The following ARHGAP5 variants were observed in gnomAD, a reference collection of about 807,000 sequenced individuals.
ARHGAP5 encodes the protein Rho GTPase activating protein 5.
A neutral mutation model predicts 116.6 loss-of-function variants in ARHGAP5; 23 were observed. That is an observed-to-expected ratio of 0.20 (90% CI 0.14 to 0.28). The LOEUF (loss-of-function observed/expected upper bound fraction) is 0.28, where lower values mean the gene tolerates loss of function less well. Among genes scored for constraint, ARHGAP5 ranks in the 10% least tolerant of loss-of-function variants. The pLI is 1.00. For missense variants in ARHGAP5, 1,405 were observed against 1,774.8 expected, an observed-to-expected ratio of 0.79 and a Z score of 3.74; for synonymous variants, 574 against 602.0, an observed-to-expected ratio of 0.95 and a Z score of 0.68.
rs1246509248 is a variant in ARHGAP5 at position 32,157,095 on chromosome 14, C to G, written c.*2147C>G. 6.6e-6 allele frequency: 1 copy of G among 152,280 alleles called. No homozygotes were observed. Among genetic ancestry groups the G allele is most frequent in the Non-Finnish European group, 1.5e-5 (1 of 67,788 alleles). 9.4% of individuals were successfully genotyped at this position (152,280 alleles called of 1,614,324 possible). ...GCACCTTCCCCCAAACTTATCTCCA[C>G]TTTTCTATGCATTCTATCATTGATT... On this transcript the variant is annotated 3_prime_UTR_variant, in exon 7 of 7. Transcript: ENST00000345122.
chr14:32,100,059 A>C (rs954673293), intron 2 of ARHGAP5, among the ~76,000 whole-genome samples: 2 of 152,234 alleles, frequency 1.3e-5, no homozygotes, highest in African/African-American at 4.8e-5. Flanking sequence ...TACATAATTG[A>C]AATGCAATTT....
Position 32,090,908 on chromosome 14 carries a change from A to G in ARHGAP5, c.239A>G (p.Gln80Arg). The change falls in exon 2 of 7, where the codon CAA becomes CGA. Residue 80 changes from glutamine (Q) to arginine (R), a missense_variant. Gln to Arg is a conservative substitution (Grantham distance 43). Transcript: ENST00000345122. Reference protein sequence around the residue: ...DHFLYWGDIIQNSEDGVECKI... With the variant: ...DHFLYWGDIIRNSEDGVECKI... ...TTTTTGTACTGGGGTGACATAATAC[A>G]AAATAGTGAAGATGGAGTAGAATGC... 1 of 1,613,680 alleles carries G rather than the reference A, an allele frequency of 6.2e-7. No homozygotes were observed. Among genetic ancestry groups the G allele is most frequent in the Non-Finnish European group, 8.5e-7 (1 of 1,179,640 alleles).
intron 3 of ARHGAP5, among the ~76,000 whole-genome samples, chr14:32,124,902 T>A (rs61994791): frequency 0.032 from 4,931 of 152,264 alleles, 120 homozygotes; most frequent in South Asian, 0.066. Context: ...GCAAACAGGC[T>A]ATACAAGAGT....
intron 5 of ARHGAP5, among the ~76,000 whole-genome samples, chr14:32,151,683 TTGAG>T (rs1432512026): frequency 6.6e-6 from 1 of 152,224 alleles, no homozygotes; most frequent in Non-Finnish European, 1.5e-5. Flanking sequence ...CAACACAGGG[TTGAG>T]TAAGTGTGCC....
intron 2 of ARHGAP5, among the ~76,000 whole-genome samples, chr14:32,105,908 T>C (rs1878994684): frequency 6.6e-6 from 1 of 152,232 alleles, no homozygotes; most frequent in Non-Finnish European, 1.5e-5. Context: ...TCATTTACCA[T>C]AATGCCCTTG....
chr14:32,117,895 GT>G (rs1297680125), intron 3 of ARHGAP5, among the ~76,000 whole-genome samples: 4 of 152,258 alleles, frequency 2.6e-5, no homozygotes, highest in African/African-American at 7.2e-5. Flanking sequence ...CAAGTTAAAG[GT>G]GGAAAATAGG....
chr14:32,128,327 G>A (rs1349494542), intron 3 of ARHGAP5, among the ~76,000 whole-genome samples: 1 of 152,252 alleles, frequency 6.6e-6, no homozygotes, highest in Non-Finnish European at 1.5e-5. Context: ...GGCCAAGGCA[G>A]GCGGCTGGGA....
chr14:32,133,026 T>C (rs1241773863), intron 3 of ARHGAP5, among the ~76,000 whole-genome samples: 3 of 152,224 alleles, frequency 2.0e-5, no homozygotes, highest in Admixed American at 6.5e-5. Flanking sequence ...GTGTGATGCC[T>C]CCAGCTTTGT....
intron 1 of ARHGAP5, among the ~76,000 whole-genome samples, chr14:32,077,670 G>C (rs532722721): frequency 6.6e-6 from 1 of 152,276 alleles, no homozygotes; most frequent in East Asian, 1.9e-4. Flanking sequence ...GGCCGGGGGA[G>C]GGGGTGCTTT....
chr14:32,099,077 A>T (rs1225212496), intron 2 of ARHGAP5, among the ~76,000 whole-genome samples: 1 of 152,058 alleles, frequency 6.6e-6, no homozygotes, highest in Non-Finnish European at 1.5e-5. Flanking sequence ...AATGGATATG[A>T]GAGATACCTA....
chr14:32,109,898 T>G (rs565251150), intron 2 of ARHGAP5, among the ~76,000 whole-genome samples: 26 of 152,174 alleles, frequency 1.7e-4, no homozygotes, highest in Non-Finnish European at 3.8e-4. Flanking sequence ...TGCTTTTTTT[T>G]TCCCCCCACT....
Position 32,094,145 on chromosome 14 carries a change from C to T in ARHGAP5, c.3476C>T (p.Thr1159Ile). 1.2e-6 allele frequency: 2 copies of T among 1,613,186 alleles called. No homozygotes were observed. The highest frequency in any genetic ancestry group is 4.5e-5 in the East Asian group (2 of 44,870). ...TCAAAATACAAATATAAATCTAAAA[C>T]CTTGTTTAGTAAAGCCAAGTCATAC... ...RPSKYKYKSKTLFSKAKSYYR... is the reference protein window; with the variant it reads ...RPSKYKYKSKILFSKAKSYYR... Residue 1159 changes from threonine (T) to isoleucine (I), a missense_variant, in exon 2 of 7, where the codon ACC becomes ATC. Physicochemically the swap from Thr to Ile is moderately conservative, Grantham distance 89. Transcript: ENST00000345122.
chr14:32,092,182 G>A lies in ARHGAP5; in HGVS notation c.1513G>A (p.Asp505Asn). The change falls in exon 2 of 7, where the codon GAT becomes AAT. Residue 505 changes from aspartate to asparagine, a missense_variant. Coordinates refer to ENST00000345122, the MANE Select transcript of ARHGAP5 (RefSeq NM_001030055.2). The surrounding 1 kb of genome is among the most constrained non-coding windows in gnomAD (Gnocchi z 4.1). ...FEHSELFYDL[D>N]LNATPSSDKM... ...GCATTCTGAACTTTTTTATGATTTA[G>A]ATCTTAATGCAACACCTAGTTCAGA... The A allele has an allele frequency of 6.2e-7, 1 of 1,613,608 alleles. No individual in the cohort carries two copies. The highest frequency in any genetic ancestry group is 8.5e-7 in the Non-Finnish European group (1 of 1,179,742).
chr14:32,121,954 C>T (rs767378729), intron 3 of ARHGAP5, among the ~76,000 whole-genome samples: 7 of 152,128 alleles, frequency 4.6e-5, no homozygotes, highest in Admixed American at 6.5e-5. Context: ...CATTGATGGA[C>T]ACTTGGTTTG....
intron 2 of ARHGAP5, 90 bp from the exon 3 acceptor site, chr14:32,117,044 ATTTTTC>A: frequency 2.1e-6 from 2 of 968,962 alleles, no homozygotes; most frequent in Middle Eastern, 7.4e-4. Flanking sequence ...TGGCTATAAA[ATTTTTC>A]TTTTGATCCG....
chr14:32,078,260 G>A (rs2138988198), intron 1 of ARHGAP5: 1 of 152,388 alleles, frequency 6.6e-6, no homozygotes, highest in East Asian at 1.9e-4. Context: ...GAGAGCTGGA[G>A]GCTCGGGGTG....
rs141747142 is a variant in ARHGAP5 at position 32,093,012 on chromosome 14, C to T, written c.2343C>T (p.Val781=). 3.1e-6 allele frequency: 5 copies of T among 1,613,972 alleles called. No individual in the cohort carries two copies. The highest frequency in any genetic ancestry group is 2.7e-5 in the African/African-American group (2 of 74,918). The change falls in exon 2 of 7, where the codon GTC becomes GTT. Residue 781 remains valine, a synonymous_variant. Transcript: ENST00000345122. ...KDLSEADLRI[V]MCAMCGDPFS... The stretch of plus-strand genomic sequence containing the variant: ...TATCAGAAGCTGACTTGAGAATTGT[C>T]ATGTGCGCCATGTGTGGAGATCCAT...
At chr14:32,086,475 G>A (rs2041830409) in intron 1 of ARHGAP5, among the ~76,000 whole-genome samples, 1 of 152,040 alleles carries the variant, frequency 6.6e-6, no homozygotes, top group African/African-American at 2.4e-5. Context: ...AGTAATCTTG[G>A]GCCAGAGATA....
intron 3 of ARHGAP5, among the ~76,000 whole-genome samples, chr14:32,132,154 C>T (rs1433073508): frequency 1.8e-4 from 28 of 152,248 alleles, no homozygotes; most frequent in South Asian, 4.2e-4. Flanking sequence ...CCTGAGGAAT[C>T]GCCACACTGA....
Sources: allele counts gnomAD v4.1 joint callset (sites outside exome capture counted in the v4.1 genomes callset), GRCh38; gene constraint gnomAD v4.1.1; non-coding constraint Gnocchi (gnomAD v3.1); transcripts MANE v1.5; gene names NCBI Gene and HGNC (gene_info 2026-07-23, HGNC 2026-07-21).